Variants in WDR11 observed in about 807,000 individuals in gnomAD.
WDR11 encodes the protein WD repeat-containing protein 11.
Under a neutral mutation model 151.2 loss-of-function variants are expected in WDR11, and 83 were observed. That is an observed-to-expected ratio of 0.55 (90% CI 0.46 to 0.66). The LOEUF is 0.66. WDR11 is among the 30% of genes least tolerant of loss of function. The pLI is 0.00. For missense variants in WDR11, 1,301 were observed against 1,480.9 expected, an observed-to-expected ratio of 0.88 and a Z score of 1.99; for synonymous variants, 484 against 533.1, an observed-to-expected ratio of 0.91 and a Z score of 1.27.
At chr10:120,887,115 A>C (rs1847248169) in intron 16 of WDR11, among the ~76,000 whole-genome samples, 2 of 152,328 alleles carry the variant, frequency 1.3e-5, no homozygotes, top group African/African-American at 4.8e-5. Flanking sequence ...GAGAATAAGT[A>C]ACTTTCCCAA....
At chr10:120,898,610 A>T (rs2133805823) in intron 19 of WDR11, among the ~76,000 whole-genome samples, 1 of 152,214 alleles carries the variant, frequency 6.6e-6, no homozygotes, top group East Asian at 1.9e-4. Context: ...GTAGGGGGTG[A>T]TTGGATCATG....
At position 120,908,244 on chromosome 10, in the gene WDR11, T is replaced by TTCA. The variant is rs1590129272; in HGVS notation, c.3518-309_3518-307dup. 1.3e-5 allele frequency: 5 copies of TTCA among 374,094 alleles called. No homozygotes were observed. The East Asian group carries it at 2.4e-4, about 18-fold the overall frequency. The allele number at this position is 374,094 out of a possible 1,614,324, so 23.2% of individuals were successfully genotyped here. ...AGGTTAAGTTTCTCCTCTCTTATCA[T>TTCA]TCATCTTCCAATCTTCAGTTGAGTG... On this transcript the variant is annotated intron_variant, in intron 28 of 28. Transcript: ENST00000263461.
In WDR11 at chr10:120,889,154, A is replaced by G. The variant is rs372924455; in HGVS notation, c.2198A>G (p.Asn733Ser). ...CTTGGAGATATGGATGGAAATTTAAATTTCTGGGACTTGAAAGGCAGAGTA... is the reference window on the plus strand; with the variant it reads ...CTTGGAGATATGGATGGAAATTTAAGTTTCTGGGACTTGAAAGGCAGAGTA... ...LVLGDMDGNLNFWDLKGRVSR... is the reference protein window; with the variant it reads ...LVLGDMDGNLSFWDLKGRVSR... Residue 733 changes from asparagine (N) to serine (S), a missense_variant, in exon 17 of 29, where the codon AAT becomes AGT. Physicochemically the swap from Asn to Ser is conservative, Grantham distance 46 (BLOSUM62 1). Transcript: ENST00000263461. 3 of 1,613,730 alleles carry G rather than the reference A, an allele frequency of 1.9e-6. No homozygotes were observed. The highest frequency in any genetic ancestry group is 2.7e-5 in the African/African-American group (2 of 74,902).
intron 10 of WDR11, among the ~76,000 whole-genome samples, chr10:120,872,652 G>T (rs1043913219): frequency 6.6e-6 from 1 of 152,100 alleles, no homozygotes; most frequent in Non-Finnish European, 1.5e-5. Flanking sequence ...TCCTTGTGGT[G>T]CCCCTAGTGC....
At chr10:120,906,732 A>T (rs549150058) in intron 27 of WDR11, 44 bp from the exon 28 acceptor site, 6 of 1,613,868 alleles carry the variant, frequency 3.7e-6, no homozygotes, top group Non-Finnish European at 5.1e-6. Context: ...CCCACCAGTG[A>T]TGTAAATCAC....
At chr10:120,889,219 A>T (rs750998787) in intron 17 of WDR11, 35 bp downstream of exon 17, 6 of 1,436,736 alleles carry the variant, frequency 4.2e-6, no homozygotes, top group South Asian at 2.3e-5. Context: ...TTATTTCATT[A>T]AAAAAAAGAA....
chr10:120,855,471 G>A (rs1419437280), intron 2 of WDR11, among the ~76,000 whole-genome samples: 1 of 151,864 alleles, frequency 6.6e-6, no homozygotes, highest in Admixed American at 6.6e-5. Context: ...TTTCTTGGTG[G>A]TGTCTTTTGA....
In WDR11 at chr10:120,880,856, G is replaced by T; in HGVS notation, c.1694G>T (p.Gly565Val). 1.9e-6 allele frequency: 3 copies of T among 1,605,580 alleles called. No individual in the cohort carries two copies. The highest frequency in any genetic ancestry group is 2.6e-6 in the Non-Finnish European group (3 of 1,174,708). The change falls in exon 13 of 29, where the codon GGC (glycine) becomes GTC (valine). Residue 565 changes from glycine to valine, a missense_variant. By Grantham distance (109) the Gly-to-Val change is moderately radical. Coordinates refer to ENST00000263461, the MANE Select transcript of WDR11 (RefSeq NM_018117.12). Reference sequence around the variant, plus strand: ...AGCATTGCTTTTCGTGGTGAAAGAGGCAATGATGAATCTGCCATCGAAATG... The same window carrying T: ...AGCATTGCTTTTCGTGGTGAAAGAGTCAATGATGAATCTGCCATCGAAATG... ...GRSIAFRGER[G>V]NDESAIEMIK... is the part of the protein sequence containing the mutation.
chr10:120,862,581 C>T, intron 4 of WDR11, 154 bp from the exon 5 acceptor site: 2 of 785,110 alleles, frequency 2.5e-6, no homozygotes, highest in Middle Eastern at 7.5e-4. Context: ...TTCTCTTCAA[C>T]TTAGAGAACA....
chr10:120,871,085 A>G (rs1210509036), intron 9 of WDR11, 85 bp from the exon 10 acceptor site: 1 of 1,367,094 alleles, frequency 7.3e-7, no homozygotes, highest in South Asian at 1.2e-5. Flanking sequence ...AGACCTGAAG[A>G]GCATTTCTAC....
At chr10:120,875,999 T>TTTA (rs1846770224) in intron 11 of WDR11, among the ~76,000 whole-genome samples, 1 of 133,954 alleles carries the variant, frequency 7.5e-6, no homozygotes. Context: ...TTTTTTTGAG[T>TTTA]TGGAGTTTCG....
At chr10:120,867,380 TTAGAAA>T (rs1344961312) in intron 9 of WDR11, among the ~76,000 whole-genome samples, 1 of 152,230 alleles carries the variant, frequency 6.6e-6, no homozygotes. Context: ...ATTATAGTTG[TTAGAAA>T]TAGAAAACGT....
intron 12 of WDR11, 176 bp from the exon 13 acceptor site, chr10:120,880,650 C>A (rs1846967170): frequency 3.4e-6 from 2 of 588,574 alleles, no homozygotes; most frequent in East Asian, 3.1e-5. Context: ...CAAAGTGAGA[C>A]CATCTCAAAA....
chr10:120,860,352 A>T, intron 4 of WDR11, 70 bp downstream of exon 4: 1 of 1,502,644 alleles, frequency 6.7e-7, no homozygotes, highest in Non-Finnish European at 9.1e-7. Context: ...TATGTGCATG[A>T]GATATACACA....
chr10:120,904,616 C>T (rs776914493), intron 24 of WDR11, 30 bp from the exon 25 acceptor site: 31 of 1,613,598 alleles, frequency 1.9e-5, no homozygotes, highest in East Asian at 1.3e-4. Flanking sequence ...AAAATGTTCT[C>T]ATAATTAGAA....
Position 120,878,374 on chromosome 10 carries a change from G to A in WDR11, c.1578G>A (p.Leu526=). The A allele has an allele frequency of 6.2e-7, 1 of 1,612,608 alleles. No homozygotes were observed. Among genetic ancestry groups the A allele is most frequent in the Non-Finnish European group, 8.5e-7 (1 of 1,179,092 alleles). The change falls in exon 12 of 29, where the codon TTG becomes TTA. Residue 526 remains leucine (L), a synonymous_variant. Transcript: ENST00000263461. ...ATAGGGGTATTGAATGGACAAGTTT[G>A]ACTAGTTTTCTTTCTTTTGCTACCT... ...CEVKGIEWTS[L]TSFLSFATST... is the part of the protein sequence containing the mutation.
At chr10:120,893,238 C>A (rs1847488571) in intron 19 of WDR11, among the ~76,000 whole-genome samples, 1 of 148,334 alleles carries the variant, frequency 6.7e-6, no homozygotes, top group Non-Finnish European at 1.5e-5. Context: ...TTGTTCAATT[C>A]CCATCTGTGA....
intron 27 of WDR11, 59 bp from the exon 28 acceptor site, chr10:120,906,717 T>C: frequency 6.2e-7 from 1 of 1,613,848 alleles, no homozygotes; most frequent in Non-Finnish European, 8.5e-7. Flanking sequence ...CCTTCGATGC[T>C]GCTGCCCACC....
intron 11 of WDR11, 107 bp from the exon 12 acceptor site, chr10:120,878,246 A>G (rs1324243446): frequency 2.4e-6 from 2 of 817,790 alleles, no homozygotes; most frequent in Non-Finnish European, 4.0e-6. Context: ...TTTTTAATTA[A>G]TTTGTGTAAT....
Sources: allele counts gnomAD v4.1 joint callset (sites outside exome capture counted in the v4.1 genomes callset), GRCh38; gene constraint gnomAD v4.1.1; transcripts MANE v1.5; gene names NCBI Gene and HGNC (gene_info 2026-07-23, HGNC 2026-07-21).